Variants in CTNNA3 observed in about 807,000 individuals in gnomAD.
CTNNA3 encodes catenin alpha-3.
CTNNA3 carries 76 observed loss-of-function variants against 95.7 expected under a neutral mutation model. That is an observed-to-expected ratio of 0.79 (90% CI 0.66 to 0.96). The LOEUF is 0.96. Ranked by LOEUF, CTNNA3 falls within the 40% of genes least tolerant of loss-of-function variation. CTNNA3 has a pLI of 0.00. For synonymous variants in CTNNA3, 431 were observed against 374.4 expected, an observed-to-expected ratio of 1.15 and a Z score of -1.74; for missense variants, 1,191 against 1,089.8, an observed-to-expected ratio of 1.09 and a Z score of -1.31.
chr10:66,668,428 G>A lies in CTNNA3; in HGVS notation c.1282-46644C>T, dbSNP rs867863599. Among the ~76,000 whole-genome samples the A allele has an allele frequency of 2.7e-3, 411 of 150,954 alleles. 5 individuals carry two copies. Among genetic ancestry groups the A allele is most frequent in the African/African-American group, 9.2e-3 (379 of 41,022 alleles). Reference sequence around the variant, plus strand: ...CTTTTTTCTCAACTCTCATATGTGTGTGTGTGTGTGTGTGTGTGTGTGTGT... The same window carrying A: ...CTTTTTTCTCAACTCTCATATGTGTATGTGTGTGTGTGTGTGTGTGTGTGT... On this transcript the variant is annotated intron_variant, in intron 9 of 17. Coordinates refer to ENST00000433211, the MANE Select transcript of CTNNA3 (RefSeq NM_013266.4).
At chr10:66,761,421 T>C (rs1300865860) in intron 9 of CTNNA3, among the ~76,000 whole-genome samples, 1 of 152,174 alleles carries the variant, frequency 6.6e-6, no homozygotes, top group African/African-American at 2.4e-5. Flanking sequence ...GAAAATTCTT[T>C]AATTTATAGA....
intron 10 of CTNNA3, among the ~76,000 whole-genome samples, chr10:66,571,310 G>A (rs905967528): frequency 2.6e-5 from 4 of 152,244 alleles, no homozygotes; most frequent in African/African-American, 4.8e-5. Context: ...ATTGGTTATC[G>A]CATTCCCTTT....
chr10:66,723,434 A>G (rs562395920), intron 9 of CTNNA3, among the ~76,000 whole-genome samples: 7 of 152,324 alleles, frequency 4.6e-5, no homozygotes, highest in Non-Finnish European at 7.3e-5. Context: ...TTGTGCACAC[A>G]TACAGGCCTA....
chr10:65,938,938 T>G (rs1335420266), intron 17 of CTNNA3, among the ~76,000 whole-genome samples: 1 of 152,062 alleles, frequency 6.6e-6, no homozygotes, highest in Non-Finnish European at 1.5e-5. Flanking sequence ...AGTCTCGCTC[T>G]GTCGCCCAGG....
chr10:65,957,905 T>C (rs2077765780), intron 17 of CTNNA3, among the ~76,000 whole-genome samples: 1 of 152,182 alleles, frequency 6.6e-6, no homozygotes, highest in South Asian at 2.1e-4. Flanking sequence ...GTGTTCTCTG[T>C]ATTTCCTGAA....
At chr10:66,083,650 A>C (rs2080856852) in intron 14 of CTNNA3, among the ~76,000 whole-genome samples, 1 of 152,212 alleles carries the variant, frequency 6.6e-6, no homozygotes, top group Admixed American at 6.5e-5. Flanking sequence ...GGTCTGGCTT[A>C]TTCTTCTACG....
chr10:66,359,332 T>C (rs1031044837), intron 12 of CTNNA3, among the ~76,000 whole-genome samples: 1 of 152,092 alleles, frequency 6.6e-6, no homozygotes, highest in Non-Finnish European at 1.5e-5. Context: ...TAGAAGGAGA[T>C]GGGGGTGAGT....
rs540855416 is a variant in CTNNA3, at chr10:66,480,271, G to A, written c.1531+40346C>T. ...CTATAATTCTGGAGGTGGCAAGATA[G>A]AACAGTATGTTCCTAACTATGACTT... is the stretch of plus-strand genomic sequence containing the variant. On this transcript the variant is annotated intron_variant, in intron 11 of 17. Transcript: ENST00000433211. 2.0e-5 allele frequency among the ~76,000 whole-genome samples: 3 copies of A among 152,224 alleles called. No homozygotes were observed. The South Asian group carries it at 6.2e-4, about 32-fold the overall frequency.
At chr10:66,129,592 A>T (rs1204479425) in intron 13 of CTNNA3, among the ~76,000 whole-genome samples, 1 of 152,110 alleles carries the variant, frequency 6.6e-6, no homozygotes, top group Non-Finnish European at 1.5e-5. Flanking sequence ...GATGGGGTTG[A>T]TTAGACCTGG....
chr10:66,886,442 G>A (rs1474872545), intron 7 of CTNNA3, among the ~76,000 whole-genome samples: 1 of 151,998 alleles, frequency 6.6e-6, no homozygotes, highest in Non-Finnish European at 1.5e-5. Context: ...CTGATACTGG[G>A]ACCCTTATGT....
intron 5 of CTNNA3, among the ~76,000 whole-genome samples, chr10:67,357,380 A>C (rs1842846329): frequency 6.6e-6 from 1 of 152,170 alleles, no homozygotes; most frequent in South Asian, 2.1e-4. Flanking sequence ...AGAATTTACT[A>C]CAATATCATG....
intron 1 of CTNNA3, among the ~76,000 whole-genome samples, chr10:67,702,930 A>C (rs913925376): frequency 6.6e-6 from 1 of 152,232 alleles, no homozygotes; most frequent in Non-Finnish European, 1.5e-5. Context: ...GCAATAAAAA[A>C]TGATAAAGGG....
Position 67,487,961 on chromosome 10 carries a change from A to G in CTNNA3, c.579+33881T>C, listed in dbSNP as rs184696613. 2.3e-3 allele frequency among the ~76,000 whole-genome samples: 349 copies of G among 152,338 alleles called. 1 individual carries two copies. The highest frequency in any genetic ancestry group is 3.7e-3 in the Non-Finnish European group (250 of 68,032). On this transcript the variant is annotated intron_variant, in intron 5 of 17. Transcript: ENST00000433211. ...GGACAGATGTGAGAGAATCTCTAGA[A>G]ACCTTAAGCTTAGGACAGAAGGAGG... is the stretch of plus-strand genomic sequence containing the variant.
At chr10:66,064,819 C>G (rs1481388399) in intron 15 of CTNNA3, among the ~76,000 whole-genome samples, 1 of 152,152 alleles carries the variant, frequency 6.6e-6, no homozygotes, top group Non-Finnish European at 1.5e-5. Context: ...TACTTCCCTG[C>G]TTTTTGTTCA....
chr10:66,966,222 C>T (rs976764373), intron 7 of CTNNA3, among the ~76,000 whole-genome samples: 1 of 151,892 alleles, frequency 6.6e-6, no homozygotes, highest in Non-Finnish European at 1.5e-5. Context: ...AACAATTTTC[C>T]CTATTTTTGG....
At chr10:66,349,035 A>G (rs2092546807) in intron 12 of CTNNA3, among the ~76,000 whole-genome samples, 1 of 152,072 alleles carries the variant, frequency 6.6e-6, no homozygotes, top group Non-Finnish European at 1.5e-5. Context: ...CAGAAAACGG[A>G]AAAGTTGATG....
intron 7 of CTNNA3, among the ~76,000 whole-genome samples, chr10:67,092,078 C>A (rs74233476): frequency 9.6e-6 from 1 of 104,306 alleles, no homozygotes; most frequent in Non-Finnish European, 1.9e-5. Context: ...AAAAACATTT[C>A]GATAGTGACA....
Position 66,482,866 on chromosome 10 carries a change from C to T in CTNNA3, c.1531+37751G>A, listed in dbSNP as rs545712689. Among the ~76,000 whole-genome samples the T allele has an allele frequency of 2.6e-4, 40 of 152,206 alleles. No homozygotes were observed. The South Asian group carries it at 7.9e-3, about 30-fold the overall frequency. On this transcript the variant is annotated intron_variant, in intron 11 of 17. Coordinates refer to ENST00000433211, the MANE Select transcript of CTNNA3 (RefSeq NM_013266.4). Reference sequence around the variant, plus strand: ...CACAGACAAAAAAGCTTTTGCACCACTTTCCTTTGTGCAATGTGGGAATTA... The same window carrying T: ...CACAGACAAAAAAGCTTTTGCACCATTTTCCTTTGTGCAATGTGGGAATTA...
intron 10 of CTNNA3, among the ~76,000 whole-genome samples, chr10:66,544,394 A>C (rs1198680399): frequency 6.6e-6 from 1 of 152,122 alleles, no homozygotes. Flanking sequence ...AATCATTGCA[A>C]GCAAACTTTA....
Sources: allele counts gnomAD v4.1 joint callset (sites outside exome capture counted in the v4.1 genomes callset), GRCh38; gene constraint gnomAD v4.1.1; transcripts MANE v1.5; gene names NCBI Gene and HGNC (gene_info 2026-07-23, HGNC 2026-07-21).